Variants in CDCP1 observed in about 807,000 individuals in gnomAD.
The protein encoded by CDCP1 is CUB domain-containing protein 1.
A neutral mutation model predicts 60.2 loss-of-function variants in CDCP1; 29 were observed. That is an observed-to-expected ratio of 0.48 (90% CI 0.36 to 0.66). CDCP1 has a LOEUF of 0.66. CDCP1 is among the 30% of genes least tolerant of loss of function. The pLI is 0.00. For missense variants in CDCP1, 876 were observed against 1,074.3 expected (o/e 0.82, Z 2.58); for synonymous variants, 387 against 431.1 (o/e 0.90, Z 1.27).
chr3:45,129,474 T>G (rs1458982469), intron 1 of CDCP1, among the ~76,000 whole-genome samples: 1 of 152,204 alleles, frequency 6.6e-6, no homozygotes, highest in East Asian at 1.9e-4. Flanking sequence ...CTGTAAATAA[T>G]TCATACAAGA....
chr3:45,126,251 T>TTCTC (rs140448669), intron 1 of CDCP1, among the ~76,000 whole-genome samples: 9,807 of 143,200 alleles, frequency 0.068, 539 homozygotes, highest in Middle Eastern at 0.21. Flanking sequence ...TCCTTCCTTC[T>TTCTC]TCTCTCTCTC....
rs150523759 is a variant in CDCP1, at chr3:45,095,557, C to A, written c.1036G>T (p.Val346Leu). 324 of 1,613,946 alleles carry A rather than the reference C, an allele frequency of 2.0e-4. 2 individuals carry two copies. The African/African-American group carries it at 3.9e-3, about 19-fold the overall frequency. Residue 346 changes from valine (V) to leucine (L), a missense_variant, in exon 5 of 9, where the codon GTG becomes TTG. Val to Leu is a conservative substitution (Grantham distance 32). Transcript: ENST00000296129. The stretch of plus-strand genomic sequence containing the variant: ...GCTCGCTCATTACTCAAGTCAACCA[C>A]GTAGATTTTATCTGAAACCACAAAC... ...HPQNESNKIY[V>L]VDLSNERAMS...
At chr3:45,104,544 T>C (rs1234183751) in intron 4 of CDCP1, among the ~76,000 whole-genome samples, 9 of 152,324 alleles carry the variant, frequency 5.9e-5, no homozygotes, top group African/African-American at 2.2e-4. Flanking sequence ...GACAGATCTT[T>C]ACTCAGTGAG....
Position 45,091,121 on chromosome 3 carries a change from A to C in CDCP1, c.1993+52T>G. 1 of 1,562,578 alleles carries C rather than the reference A, an allele frequency of 6.4e-7. No homozygotes were observed. Among genetic ancestry groups the C allele is most frequent in the Non-Finnish European group, 8.7e-7 (1 of 1,153,974 alleles). On this transcript the variant is annotated intron_variant, in intron 7 of 8. Transcript: ENST00000296129. This position sits in a 1 kb window ranked among gnomAD's most constrained non-coding sequence, Gnocchi z 4.8. ...TCTCCAGGCTTGCTCTCTATCCTCC[A>C]GCTGACAATTTTTTGTTCATCACTG...
chr3:45,125,682 T>C lies in CDCP1; in HGVS notation c.83-7061A>G, dbSNP rs148547624. 2.1e-3 allele frequency among the ~76,000 whole-genome samples: 319 copies of C among 152,294 alleles called. 6 individuals are homozygous for C. In the South Asian group the frequency reaches 0.034, roughly 16 times the overall value. ...GCAGTTTGGCTCTGAGTCTAAAGCC[T>C]ACAGTCCTGGCTGGCTGGGTGGGGA... is the stretch of plus-strand genomic sequence containing the variant. On this transcript the variant is annotated intron_variant, in intron 1 of 8. Coordinates refer to ENST00000296129, the MANE Select transcript of CDCP1 (RefSeq NM_022842.5).
chr3:45,086,740 C>A (rs1163757671), intron 8 of CDCP1, among the ~76,000 whole-genome samples: 2 of 152,246 alleles, frequency 1.3e-5, no homozygotes, highest in African/African-American at 2.4e-5. Context: ...ACACCATTAG[C>A]ATTTGGTTTA....
chr3:45,134,741 CCAGGATAAACAGAT>C (rs1699165250), intron 1 of CDCP1, among the ~76,000 whole-genome samples: 1 of 152,080 alleles, frequency 6.6e-6, no homozygotes, highest in African/African-American at 2.4e-5. Flanking sequence ...ACCAGGCAGC[CCAGGATAAACAGAT>C]CAGCAACACA....
At chr3:45,132,932 A>G (rs959408139) in intron 1 of CDCP1, among the ~76,000 whole-genome samples, 1 of 152,256 alleles carries the variant, frequency 6.6e-6, no homozygotes, top group Admixed American at 6.5e-5. Context: ...TCGCCTGATT[A>G]GACCATGTTG....
chr3:45,135,481 A>C (rs1409829280), intron 1 of CDCP1, among the ~76,000 whole-genome samples: 1 of 152,212 alleles, frequency 6.6e-6, no homozygotes, highest in Non-Finnish European at 1.5e-5. Context: ...TCAAGAATTT[A>C]ATCCTCATTA....
Position 45,146,205 on chromosome 3 carries a change from C to T in CDCP1, c.82+1G>A. 1.9e-6 allele frequency: 3 copies of T among 1,592,276 alleles called. No individual in the cohort carries two copies. Among genetic ancestry groups the T allele is most frequent in the East Asian group, 2.4e-5 (1 of 42,038 alleles). ...ATCCGCCTCCAAAGCCCGGCACTCACCTGCCCCGCGCGGCAGGCGCGCCGC... is the reference window on the plus strand; with the variant it reads ...ATCCGCCTCCAAAGCCCGGCACTCATCTGCCCCGCGCGGCAGGCGCGCCGC... On this transcript the variant is annotated splice_donor_variant, in intron 1 of 8. Coordinates refer to ENST00000296129, the MANE Select transcript of CDCP1 (RefSeq NM_022842.5). LOFTEE classifies it high-confidence loss of function.
intron 4 of CDCP1, among the ~76,000 whole-genome samples, chr3:45,104,980 G>A (rs2006631): frequency 0.13 from 20,320 of 152,210 alleles, 1,571 homozygotes; most frequent in Middle Eastern, 0.23. Context: ...CCCAGGAGGC[G>A]GAGGTTGCGG....
At chr3:45,088,153 A>G (rs1698231996) in intron 8 of CDCP1, among the ~76,000 whole-genome samples, 1 of 152,158 alleles carries the variant, frequency 6.6e-6, no homozygotes, top group African/African-American at 2.4e-5. Flanking sequence ...GGCAGCACGG[A>G]CTCTGTCTAA....
chr3:45,125,249 G>A (rs181818898), intron 1 of CDCP1, among the ~76,000 whole-genome samples: 285 of 152,304 alleles, frequency 1.9e-3, no homozygotes, highest in Non-Finnish European at 3.4e-3. Context: ...GTTTGGGTGG[G>A]TAGAGGAGGC....
intron 1 of CDCP1, among the ~76,000 whole-genome samples, chr3:45,134,440 T>C (rs1034770789): frequency 4.6e-5 from 7 of 152,346 alleles, no homozygotes; most frequent in African/African-American, 1.7e-4. Context: ...TACTTCTTTC[T>C]TAACTGCAAA....
chr3:45,097,586 T>A (rs913530281), intron 4 of CDCP1, among the ~76,000 whole-genome samples: 2 of 151,738 alleles, frequency 1.3e-5, no homozygotes, highest in African/African-American at 4.8e-5. Context: ...TCAAGGGTGT[T>A]GACAATATCA....
In CDCP1 at chr3:45,085,680, A is replaced by G. The variant is rs1422719750; in HGVS notation, c.2469T>C (p.Ile823=). The change falls in exon 9 of 9, where the codon ATT becomes ATC. Residue 823 remains isoleucine, a synonymous_variant. Transcript: ENST00000296129. This position sits in a 1 kb window ranked among gnomAD's most constrained non-coding sequence, Gnocchi z 4.2. ...NGDVSSKDTD[I]PLLNTQEPME... ...TGGGCTCCTGAGTGTTCAGTAAGGG[A>G]ATGTCTGTGTCCTTGCTGCTTACAT... 1 of 1,614,124 alleles carries G rather than the reference A, an allele frequency of 6.2e-7. No homozygotes were observed. Among genetic ancestry groups the G allele is most frequent in the South Asian group, 1.1e-5 (1 of 91,080 alleles).
At chr3:45,116,745 T>A (rs1390776966) in intron 2 of CDCP1, among the ~76,000 whole-genome samples, 1 of 152,138 alleles carries the variant, frequency 6.6e-6, no homozygotes, top group Non-Finnish European at 1.5e-5. Context: ...TAACCCAAAC[T>A]GTTCTCCCCT....
intron 1 of CDCP1, among the ~76,000 whole-genome samples, chr3:45,124,418 T>C (rs963577549): frequency 5.3e-5 from 8 of 152,200 alleles, no homozygotes; most frequent in East Asian, 1.9e-4. Context: ...CCAAGGAAGA[T>C]GGACTGAGCA....
chr3:45,100,814 T>A (rs1334332296), intron 4 of CDCP1, among the ~76,000 whole-genome samples: 1 of 152,200 alleles, frequency 6.6e-6, no homozygotes, highest in Non-Finnish European at 1.5e-5. Context: ...CCCACCAGAA[T>A]GTGAACTTCA....
Sources: allele counts gnomAD v4.1 joint callset (sites outside exome capture counted in the v4.1 genomes callset), GRCh38; gene constraint gnomAD v4.1.1; non-coding constraint Gnocchi (gnomAD v3.1); transcripts MANE v1.5; gene names NCBI Gene and HGNC (gene_info 2026-07-23, HGNC 2026-07-21).